Variants in SP4 observed in about 807,000 individuals in gnomAD.
The protein encoded by SP4 is Sp4 transcription factor, also known as transcription factor Sp4.
Under a neutral mutation model 72.8 loss-of-function variants are expected in SP4, and 19 were observed. That is an observed-to-expected ratio of 0.26 (90% CI 0.18 to 0.38). The LOEUF is 0.38. Among genes scored for constraint, SP4 ranks in the 10% least tolerant of loss-of-function variants. The pLI, the probability that SP4 is intolerant of heterozygous loss-of-function variation, is 1.00. For synonymous variants in SP4, 395 were observed against 333.1 expected (o/e 1.19, Z -2.02); for missense variants, 1,008 against 926.3 (o/e 1.09, Z -1.14).
chr7:21,494,329 T>C (rs944114941), intron 5 of SP4, among the ~76,000 whole-genome samples: 6 of 152,188 alleles, frequency 3.9e-5, no homozygotes, highest in Non-Finnish European at 7.4e-5. Context: ...CAGATTCTAA[T>C]AGAAGAAATA....
At chr7:21,439,569 C>T (rs1406263797) in intron 3 of SP4, among the ~76,000 whole-genome samples, 1 of 150,712 alleles carries the variant, frequency 6.6e-6, no homozygotes, top group African/African-American at 2.5e-5. Context: ...CTTCATGGCT[C>T]AGAATATCTG....
At chr7:21,447,451 G>C (rs1783463667) in intron 3 of SP4, among the ~76,000 whole-genome samples, 1 of 152,168 alleles carries the variant, frequency 6.6e-6, no homozygotes, top group African/African-American at 2.4e-5. Flanking sequence ...TAGTAGAAGA[G>C]TTAGATGGAT....
chr7:21,466,861 T>G (rs1301786855), intron 3 of SP4, among the ~76,000 whole-genome samples: 1 of 152,142 alleles, frequency 6.6e-6, no homozygotes, highest in Non-Finnish European at 1.5e-5. Context: ...TGTCACAGCC[T>G]ATTCCCAAAT....
chr7:21,437,188 G>A (rs146580121), intron 3 of SP4, among the ~76,000 whole-genome samples: 60 of 152,202 alleles, frequency 3.9e-4, no homozygotes, highest in African/African-American at 1.3e-3. Context: ...CTTGATAACC[G>A]TCCTTAGCAA....
chr7:21,428,198 C>CCCCCCCCCCCAA lies in SP4; in HGVS notation c.-53_-52insCCCCCCCCCAAC. 1 of 1,099,422 alleles carries CCCCCCCCCCCAA rather than the reference C, an allele frequency of 9.1e-7. No individual in the cohort carries two copies. Among genetic ancestry groups the CCCCCCCCCCCAA allele is most frequent in the Non-Finnish European group, 1.3e-6 (1 of 750,816 alleles). 68.1% of individuals were successfully genotyped at this position (1,099,422 alleles called of 1,614,324 possible). On this transcript the variant is annotated 5_prime_UTR_variant, in exon 1 of 6. Coordinates refer to ENST00000222584, the MANE Select transcript of SP4 (RefSeq NM_003112.5). ...CTCTCCTCCCGCCTCGCCCCCACCC[C>CCCCCCCCCCCAA]CACCCACCTCTATCCCAGTGTCTCC...
At chr7:21,448,844 A>G (rs1469637273) in intron 3 of SP4, among the ~76,000 whole-genome samples, 2 of 152,204 alleles carry the variant, frequency 1.3e-5, no homozygotes, top group Middle Eastern at 6.3e-3. Flanking sequence ...ATGCTGGTAT[A>G]TAGTGCATGT....
At chr7:21,471,687 A>G (rs1406375606) in intron 3 of SP4, among the ~76,000 whole-genome samples, 1 of 152,168 alleles carries the variant, frequency 6.6e-6, no homozygotes, top group African/African-American at 2.4e-5. Flanking sequence ...TTTAAAAATT[A>G]ACTAGGTGTG....
Position 21,511,486 on chromosome 7 carries a change from C to G in SP4, c.*217C>G, listed in dbSNP as rs1486927368. On this transcript the variant is annotated 3_prime_UTR_variant, in exon 6 of 6. Transcript: ENST00000222584. ...ACTGGAAACAGAAAAGTATTTCCTCCATACTATAAGTTGTAGTTGTTTGGA... is the reference window on the plus strand; with the variant it reads ...ACTGGAAACAGAAAAGTATTTCCTCGATACTATAAGTTGTAGTTGTTTGGA... The G allele has an allele frequency of 1.9e-6, 1 of 518,376 alleles. No individual in the cohort carries two copies. Among genetic ancestry groups the G allele is most frequent in the East Asian group, 3.1e-5 (1 of 31,746 alleles). The allele number at this position is 518,376 out of a possible 1,614,324, so 32.1% of individuals were successfully genotyped here. A position where few individuals can be genotyped will look rare whatever the true frequency, so the allele number is the denominator to read the frequency against.
intron 5 of SP4, among the ~76,000 whole-genome samples, chr7:21,509,207 A>G (rs1483657834): frequency 6.6e-6 from 1 of 152,124 alleles, no homozygotes. Flanking sequence ...CATTAATTAT[A>G]TGTAGGGGTA....
At position 21,513,557 on chromosome 7, in the gene SP4, C is replaced by T. The variant is rs1040332255; in HGVS notation, c.*2288C>T. ...AACATCAAATATATATTTTATCTAT[C>T]ATTATGCTACACAATCAGTGCTATA... is the stretch of plus-strand genomic sequence containing the variant. On this transcript the variant is annotated 3_prime_UTR_variant, in exon 6 of 6. Coordinates refer to ENST00000222584, the MANE Select transcript of SP4 (RefSeq NM_003112.5). 6.6e-6 allele frequency: 1 copy of T among 152,528 alleles called. No individual in the cohort carries two copies. Among genetic ancestry groups the T allele is most frequent in the Non-Finnish European group, 1.5e-5 (1 of 67,996 alleles). The allele number at this position is 152,528 out of a possible 1,614,324, so 9.4% of individuals were successfully genotyped here. A position where few individuals can be genotyped will look rare whatever the true frequency, so the allele number is the denominator to read the frequency against.
chr7:21,459,989 T>A (rs1162070462), intron 3 of SP4, among the ~76,000 whole-genome samples: 4 of 152,122 alleles, frequency 2.6e-5, no homozygotes, highest in Non-Finnish European at 5.9e-5. Context: ...AGATGAATGG[T>A]AAAAGATGGT....
chr7:21,452,293 T>G (rs1783625065), intron 3 of SP4, among the ~76,000 whole-genome samples: 1 of 152,256 alleles, frequency 6.6e-6, no homozygotes, highest in Non-Finnish European at 1.5e-5. Context: ...ATTTGCCATA[T>G]AGGCTCCTTT....
At chr7:21,478,201 T>C (rs1322049306) in intron 4 of SP4, among the ~76,000 whole-genome samples, 2 of 152,088 alleles carry the variant, frequency 1.3e-5, no homozygotes, top group Non-Finnish European at 2.9e-5. Flanking sequence ...AATACTTCAT[T>C]CCTTTTTAGG....
chr7:21,429,098 T>C (rs12537609), intron 2 of SP4, among the ~76,000 whole-genome samples, 191 bp from the exon 3 acceptor site: 40,225 of 152,156 alleles, frequency 0.26, 6,601 homozygotes, highest in Non-Finnish European at 0.36. Context: ...AAACTTGATA[T>C]TATAGGACTT....
intron 5 of SP4, among the ~76,000 whole-genome samples, chr7:21,503,565 T>C (rs892838277): frequency 2.0e-5 from 3 of 152,208 alleles, no homozygotes; most frequent in Admixed American, 6.5e-5. Context: ...GTGGCTTCCA[T>C]TGTCTGAATT....
At chr7:21,503,433 A>G (rs1325672701) in intron 5 of SP4, among the ~76,000 whole-genome samples, 1 of 152,176 alleles carries the variant, frequency 6.6e-6, no homozygotes, top group Non-Finnish European at 1.5e-5. Context: ...GTTTGGTGAT[A>G]TGCTTTGTGA....
chr7:21,459,889 A>T (rs1241161437), intron 3 of SP4, among the ~76,000 whole-genome samples: 4 of 152,256 alleles, frequency 2.6e-5, no homozygotes, highest in Admixed American at 2.6e-4. Context: ...TTTGCCTTCC[A>T]AAAGGTTATG....
At chr7:21,440,417 T>C (rs1021309403) in intron 3 of SP4, among the ~76,000 whole-genome samples, 3 of 152,134 alleles carry the variant, frequency 2.0e-5, no homozygotes, top group Non-Finnish European at 2.9e-5. Context: ...GAATGAGATA[T>C]TTTAGGTATG....
rs1344333772 is a variant in SP4, at chr7:21,430,687, G to A, written c.1522G>A (p.Ala508Thr). Residue 508 changes from alanine to threonine, a missense_variant, in exon 3 of 6, where the codon GCT becomes ACT. Transcript: ENST00000222584. ...GTCTTCAAGTGGTGGCACAACTCTT[G>A]CTCAGATTGCTCCTGTGGCTGTTGC... ...PVSSSGGTTL[A>T]QIAPVAVAGA... 1 of 1,614,078 alleles carries A rather than the reference G, an allele frequency of 6.2e-7. No individual in the cohort carries two copies. The highest frequency in any genetic ancestry group is 8.5e-7 in the Non-Finnish European group (1 of 1,180,042).
Sources: allele counts gnomAD v4.1 joint callset (sites outside exome capture counted in the v4.1 genomes callset), GRCh38; gene constraint gnomAD v4.1.1; transcripts MANE v1.5; gene names NCBI Gene and HGNC (gene_info 2026-07-23, HGNC 2026-07-21).